The following PAQR5 variants were observed in gnomAD, a reference collection of about 807,000 sequenced individuals.
PAQR5 encodes progestin and adipoQ receptor family member 5.
A neutral mutation model predicts 34.5 loss-of-function variants in PAQR5; 20 were observed. That is an observed-to-expected ratio of 0.58 (90% CI 0.41 to 0.84). The LOEUF (loss-of-function observed/expected upper bound fraction) is 0.84, where lower values mean the gene tolerates loss of function less well. PAQR5 is among the 40% of genes least tolerant of loss of function. The probability of loss-of-function intolerance (pLI) is 0.00; values close to 1 mark genes in which losing one functional copy is unlikely to be tolerated. For missense variants in PAQR5, 378 were observed against 412.7 expected (o/e 0.92, Z 0.73); for synonymous variants, 131 against 155.6 (o/e 0.84, Z 1.18).
intron 2 of PAQR5, among the ~76,000 whole-genome samples, chr15:69,344,575 G>A (rs1037207960): frequency 6.6e-6 from 1 of 152,234 alleles, no homozygotes; most frequent in Non-Finnish European, 1.5e-5. Context: ...TCTATGTGAA[G>A]TATTTGAAAG....
rs946453980 is a variant in PAQR5 at position 69,334,172 on chromosome 15, C to T, written c.-276-3169C>T. Among the ~76,000 whole-genome samples the T allele has an allele frequency of 4.6e-5, 7 of 152,148 alleles. No homozygotes were observed. In the East Asian group the frequency reaches 7.8e-4, roughly 17 times the overall value. ...CCTCCCAAGTTGCTGGGGCTACAGG[C>T]GCCCGCCACCACGCCGGGCTAATTT... On this transcript the variant is annotated intron_variant, in intron 1 of 8. Transcript: ENST00000395407.
intron 2 of PAQR5, among the ~76,000 whole-genome samples, chr15:69,341,124 C>T (rs1316920198): frequency 6.6e-6 from 1 of 152,104 alleles, no homozygotes; most frequent in East Asian, 1.9e-4. Flanking sequence ...ACGACTTCTT[C>T]ATCTTCCCAA....
intron 6 of PAQR5, among the ~76,000 whole-genome samples, chr15:69,395,196 G>T (rs920970509): frequency 1.3e-5 from 2 of 152,210 alleles, no homozygotes; most frequent in African/African-American, 4.8e-5. Flanking sequence ...GGCCGGTGAG[G>T]CAGATACCTG....
At chr15:69,391,112 C>T (rs1016392393) in intron 6 of PAQR5, 2 of 152,644 alleles carry the variant, frequency 1.3e-5, no homozygotes, top group African/African-American at 4.8e-5. Context: ...GCAATGGCAA[C>T]TCCAGCGAGC....
rs183789153 is a variant in PAQR5, at chr15:69,312,659, C to T, written c.-277+13603C>T. 3.0e-3 allele frequency among the ~76,000 whole-genome samples: 460 copies of T among 151,854 alleles called. 4 individuals carry two copies. Among genetic ancestry groups the T allele is most frequent in the African/African-American group, 0.011 (448 of 41,368 alleles). On this transcript the variant is annotated intron_variant, in intron 1 of 8. Transcript: ENST00000395407. ...TCCCCCCGTCCCCCAGGATCAGCTG[C>T]CCATACCTGGTGACTGCTTCTGACT... is the stretch of plus-strand genomic sequence containing the variant.
intron 1 of PAQR5, among the ~76,000 whole-genome samples, chr15:69,299,944 A>G (rs1186727155): frequency 6.6e-6 from 1 of 152,120 alleles, no homozygotes; most frequent in Non-Finnish European, 1.5e-5. Context: ...CTAACAAACC[A>G]ATGGCGAGTA....
intron 5 of PAQR5, among the ~76,000 whole-genome samples, chr15:69,388,997 AG>A (rs1402322648): frequency 9.9e-5 from 15 of 152,258 alleles, no homozygotes; most frequent in African/African-American, 3.6e-4. Context: ...TTCAGCAAAA[AG>A]GTCGCTAGAA....
At chr15:69,379,693 C>T (rs986852677) in intron 3 of PAQR5, 190 bp from the exon 4 acceptor site, 2 of 783,820 alleles carry the variant, frequency 2.6e-6, no homozygotes, top group African/African-American at 3.7e-5. Flanking sequence ...TAGCTGGAGG[C>T]TTCTTGGAGG....
At chr15:69,356,670 C>T (rs974535820) in intron 2 of PAQR5, among the ~76,000 whole-genome samples, 1 of 152,138 alleles carries the variant, frequency 6.6e-6, no homozygotes, top group Non-Finnish European at 1.5e-5. Context: ...CTGGTAACCA[C>T]TATCCAGCTT....
chr15:69,299,963 C>G (rs2053492926), intron 1 of PAQR5, among the ~76,000 whole-genome samples: 1 of 152,164 alleles, frequency 6.6e-6, no homozygotes, highest in South Asian at 2.1e-4. Context: ...TAGATATTAA[C>G]ACATGGGCAG....
chr15:69,334,264 G>A (rs372414913), intron 1 of PAQR5, among the ~76,000 whole-genome samples: 79 of 152,246 alleles, frequency 5.2e-4, no homozygotes, highest in East Asian at 3.3e-3. Context: ...TCTTGACCTC[G>A]TGATCCACCC....
rs138168783 is a variant in PAQR5 at position 69,404,572 on chromosome 15, G to A, written c.*750G>A. ...GATCTGCAAAGTATTTTTCAGTGCA[G>A]GTAAAATGTGTTAAACCATAAGAGT... On this transcript the variant is annotated 3_prime_UTR_variant, in exon 9 of 9. Transcript: ENST00000395407. 1.4e-3 allele frequency: 258 copies of A among 177,974 alleles called. 1 individual carries two copies. The Middle Eastern group carries it at 0.016, about 11-fold the overall frequency. 11.0% of individuals were successfully genotyped at this position (177,974 alleles called of 1,614,324 possible).
At chr15:69,382,644 A>C (rs1366030437) in intron 4 of PAQR5, among the ~76,000 whole-genome samples, 1 of 194 alleles carries the variant, frequency 5.2e-3, no homozygotes, top group Non-Finnish European at 0.016. Flanking sequence ...ACTCTGTCTC[A>C]AAAAAAAAAA....
At chr15:69,397,425 T>A (rs771767949) in intron 6 of PAQR5, 43 bp from the exon 7 acceptor site, 11 of 1,348,346 alleles carry the variant, frequency 8.2e-6, no homozygotes, top group Non-Finnish European at 9.6e-6. Context: ...TTGCTGAGAC[T>A]CTTTTCATTC....
intron 1 of PAQR5, among the ~76,000 whole-genome samples, chr15:69,323,772 C>T (rs1380827384): frequency 6.6e-6 from 1 of 151,466 alleles, no homozygotes; most frequent in Admixed American, 6.6e-5. Flanking sequence ...CAGAGAGAGC[C>T]ACAATGAACA....
intron 1 of PAQR5, among the ~76,000 whole-genome samples, chr15:69,325,752 A>G (rs1047475519): frequency 6.6e-6 from 1 of 151,584 alleles, no homozygotes; most frequent in East Asian, 1.9e-4. Context: ...GTTCCTGACC[A>G]CTCCCCAAAC....
chr15:69,397,389 G>A lies in PAQR5; in HGVS notation c.513-79G>A, dbSNP rs766784296. ...GTCCTCTGTTGATGACCAGGCCCTC[G>A]GTGTGCATGCATGTGCGTATGCAAT... is the stretch of plus-strand genomic sequence containing the variant. On this transcript the variant is annotated intron_variant, in intron 6 of 8. Coordinates refer to ENST00000395407, the MANE Select transcript of PAQR5 (RefSeq NM_017705.4). 1.4e-4 allele frequency: 129 copies of A among 904,424 alleles called. 1 individual carries two copies. The Middle Eastern group carries it at 1.5e-3, about 10-fold the overall frequency. The allele number at this position is 904,424 out of a possible 1,614,324, so 56.0% of individuals were successfully genotyped here. A position where few individuals can be genotyped will look rare whatever the true frequency, so the allele number is the denominator to read the frequency against.
rs1220190050 is a variant in PAQR5 at position 69,382,801 on chromosome 15, CATATATATATATATATATATAT to C, written c.180-1855_180-1834del. 2.6e-3 allele frequency: 11 copies of C among 4,170 alleles called. 1 individual carries two copies. Among genetic ancestry groups the C allele is most frequent in the South Asian group, 0.015 (2 of 132 alleles). 0.3% of individuals were successfully genotyped at this position (4,170 alleles called of 1,614,324 possible). ...CCATATATATATATATATATATGAC[CATATATATATATATATATATAT>C]ATATATATATATATATATATGCATA... On this transcript the variant is annotated intron_variant, in intron 4 of 8. Transcript: ENST00000395407.
chr15:69,323,656 A>C (rs2054180584), intron 1 of PAQR5, among the ~76,000 whole-genome samples: 1 of 152,248 alleles, frequency 6.6e-6, no homozygotes, highest in Non-Finnish European at 1.5e-5. Flanking sequence ...TGAAAGAAAG[A>C]AAAAGAAAAA....
Sources: allele counts gnomAD v4.1 joint callset (sites outside exome capture counted in the v4.1 genomes callset), GRCh38; gene constraint gnomAD v4.1.1; transcripts MANE v1.5; gene names NCBI Gene and HGNC (gene_info 2026-07-23, HGNC 2026-07-21).